Variants in PCTP observed in about 807,000 individuals in gnomAD.
The protein encoded by PCTP is START domain-containing protein 2.
A neutral mutation model predicts 31.0 loss-of-function variants in PCTP; 27 were observed. The observed-to-expected ratio is 0.87, with a 90% CI of 0.64 to 1.20. The LOEUF is 1.20. Ranked by LOEUF, PCTP falls within the 50% of genes most tolerant of loss-of-function variation. The probability of loss-of-function intolerance (pLI) is 0.00; values close to 1 mark genes in which losing one functional copy is unlikely to be tolerated. For missense variants in PCTP, 287 were observed against 268.2 expected, an observed-to-expected ratio of 1.07 and a Z score of -0.49; for synonymous variants, 108 against 101.2, an observed-to-expected ratio of 1.07 and a Z score of -0.40.
chr17:55,805,918 T>TGTGTGTGTGTGTG (rs1567726531), intron 3 of PCTP, among the ~76,000 whole-genome samples: 68 of 108,906 alleles, frequency 6.2e-4, no homozygotes, highest in Middle Eastern at 0.01. Context: ...GTGTGTGTGT[T>TGTGTGTGTGTGTG]TGACTTTAGA....
At chr17:55,805,738 G>A (rs193227279) in intron 3 of PCTP, among the ~76,000 whole-genome samples, 1 of 152,068 alleles carries the variant, frequency 6.6e-6, no homozygotes, top group African/African-American at 2.4e-5. Context: ...TATCCATTTG[G>A]CACCAGATTT....
rs144520519 is a variant in PCTP at position 55,793,389 on chromosome 17, C to T, written c.317+5735C>T. On this transcript the variant is annotated intron_variant, in intron 3 of 3. Coordinates refer to the PCTP transcript ENST00000572536. The stretch of plus-strand genomic sequence containing the variant: ...ACAATGCTGAACATACTTAATGTTC[C>T]GAATTCTCTGCACTCTCACTCACCC... Among the ~76,000 whole-genome samples, 198 of 152,030 alleles carry T rather than the reference C, an allele frequency of 1.3e-3. 2 individuals are homozygous for T. The highest frequency in any genetic ancestry group is 4.6e-3 in the African/African-American group (189 of 41,498).
chr17:55,780,312 A>G (rs1185161430), downstream of PCTP, among the ~76,000 whole-genome samples: 1 of 140,236 alleles, frequency 7.1e-6, no homozygotes, highest in Non-Finnish European at 1.5e-5. Context: ...TACACTATGT[A>G]AGTACACTAT....
intron 3 of PCTP, among the ~76,000 whole-genome samples, chr17:55,771,512 T>C (rs1911004421): frequency 6.6e-6 from 1 of 152,182 alleles, no homozygotes; most frequent in Non-Finnish European, 1.5e-5. Flanking sequence ...AAAAAGTGCT[T>C]GTTACAGCTC....
chr17:55,799,208 G>A (rs9900010), intron 3 of PCTP, among the ~76,000 whole-genome samples: 6,430 of 151,894 alleles, frequency 0.042, 443 homozygotes, highest in African/African-American at 0.14. Context: ...TATTCAAACA[G>A]ACAAAGATTT....
At chr17:55,781,657 G>T (rs900317961), downstream of PCTP, among the ~76,000 whole-genome samples, 1 of 152,192 alleles carries the variant, frequency 6.6e-6, no homozygotes, top group African/African-American at 2.4e-5. Context: ...TGGCAGTGGT[G>T]CCATAAGATT....
intron 5 of PCTP, among the ~76,000 whole-genome samples, chr17:55,839,716 C>T (rs1431309506): frequency 1.3e-5 from 2 of 151,218 alleles, no homozygotes; most frequent in Admixed American, 6.6e-5. Flanking sequence ...GTCAGGAGAT[C>T]GAGACCATCC....
chr17:55,751,382 C>G, intron 1 of PCTP, 138 bp downstream of exon 1: 1 of 1,532,226 alleles, frequency 6.5e-7, no homozygotes, highest in African/African-American at 1.4e-5. Context: ...CGCCCGGACC[C>G]TGTCTCAAGC....
At chr17:55,832,185 C>T (rs772003967) in intron 5 of PCTP, among the ~76,000 whole-genome samples, 20 of 152,174 alleles carry the variant, frequency 1.3e-4, no homozygotes, top group South Asian at 2.1e-4. Flanking sequence ...GTCACTACGC[C>T]GTTGGAAGTA....
intron 5 of PCTP, among the ~76,000 whole-genome samples, chr17:55,830,432 T>C: frequency 6.6e-6 from 1 of 152,192 alleles, no homozygotes; most frequent in East Asian, 1.9e-4. Context: ...TTTTTTTTTC[T>C]TTTAGCTTTA....
At chr17:55,767,588 C>CTTTTTTAA in intron 2 of PCTP, 136 bp downstream of exon 2, 1 of 509,370 alleles carries the variant, frequency 2.0e-6, no homozygotes, top group Non-Finnish European at 3.4e-6. Flanking sequence ...CCTCAGCCTC[C>CTTTTTTAA]TGAGTAGCTG....
intron 2 of PCTP, among the ~76,000 whole-genome samples, chr17:55,787,303 C>T (rs1012559679): frequency 6.6e-6 from 1 of 150,672 alleles, no homozygotes; most frequent in Non-Finnish European, 1.5e-5. Flanking sequence ...TTTATACATG[C>T]GTTTGTGTGT....
At chr17:55,775,609 G>C (rs1911285226) in intron 5 of PCTP, 2 of 1,191,330 alleles carry the variant, frequency 1.7e-6, no homozygotes, top group South Asian at 8.7e-5. Context: ...GAAAAGTCTT[G>C]CCCAGTGCTC....
At chr17:55,844,691 A>T (rs555095424), downstream of PCTP, among the ~76,000 whole-genome samples, 6 of 152,238 alleles carry the variant, frequency 3.9e-5, no homozygotes, top group South Asian at 1.0e-3. Flanking sequence ...ATTTACTGAT[A>T]TAATTATGGA....
At chr17:55,764,811 G>A (rs142290264) in intron 1 of PCTP, among the ~76,000 whole-genome samples, 55 of 152,294 alleles carry the variant, frequency 3.6e-4, no homozygotes, top group African/African-American at 1.2e-3. Flanking sequence ...CAGTAACACG[G>A]CCTTAGCACA....
chr17:55,825,132 T>C (rs1905355572), downstream of PCTP, among the ~76,000 whole-genome samples: 3 of 152,230 alleles, frequency 2.0e-5, no homozygotes, highest in African/African-American at 7.2e-5. Flanking sequence ...TGACCCTTTG[T>C]CCAATATGGA....
At chr17:55,775,761 A>G (rs1446623579) in intron 5 of PCTP, 2 of 1,259,822 alleles carry the variant, frequency 1.6e-6, no homozygotes, top group African/African-American at 1.5e-5. Context: ...TCTTTTTTCC[A>G]GAAACACTGT....
At position 55,751,230 on chromosome 17, in the gene PCTP, C is replaced by T. The variant is rs1339617646; in HGVS notation, c.127C>T (p.Arg43Trp). ...GGAGACCTCGGGCATCAGCATCTAC[C>T]GGCTGCTGGACAAGGTAGCGGCCAA... ...LVETSGISIY[R>W]LLDKKTGLYE... Residue 43 changes from arginine (R) to tryptophan (W), a missense_variant, in exon 1 of 6, where the codon CGG becomes TGG. Arg to Trp is a moderately radical substitution (Grantham distance 101). Transcript: ENST00000268896. 5 of 1,540,940 alleles carry T rather than the reference C, an allele frequency of 3.2e-6. No individual in the cohort carries two copies. The South Asian group carries it at 6.0e-5, about 19-fold the overall frequency.
At chr17:55,852,153 TGTTGAAGTAATA>T in the PCTP span, among the ~76,000 whole-genome samples, 4 of 152,212 alleles carry the variant, frequency 2.6e-5, no homozygotes, top group African/African-American at 9.6e-5. Context: ...TATACTATTC[TGTTGAAGTAATA>T]TATACTAGAA....
Sources: gnomAD v4.1 joint callset for allele counts (sites outside exome capture counted in the v4.1 genomes callset) on GRCh38, gnomAD v4.1.1 for gene constraint, MANE v1.5 for transcripts, NCBI Gene and HGNC (gene_info 2026-07-23, HGNC 2026-07-21) for gene names.